The following DPP10 variants were observed in gnomAD, a reference collection of about 807,000 sequenced individuals.
The protein encoded by DPP10 is inactive dipeptidyl peptidase 10.
Under a neutral mutation model 120.9 loss-of-function variants are expected in DPP10, and 33 were observed. The observed-to-expected ratio is 0.27, with a 90% CI of 0.21 to 0.37. The LOEUF (loss-of-function observed/expected upper bound fraction) is 0.37. DPP10 is among the 10% of genes least tolerant of loss of function. DPP10 has a pLI of 1.00. For missense variants in DPP10, 816 were observed against 942.8 expected (o/e 0.87, Z 1.76); for synonymous variants, 337 against 326.1 (o/e 1.03, Z -0.36).
chr2:115,530,611 G>A (rs1644869417), intron 5 of DPP10, among the ~76,000 whole-genome samples: 1 of 151,936 alleles, frequency 6.6e-6, no homozygotes, highest in Admixed American at 6.6e-5. Context: ...AACCCAGGAG[G>A]CAGAGATTTT....
intron 19 of DPP10, among the ~76,000 whole-genome samples, chr2:115,798,558 G>C (rs1684804404): frequency 6.6e-6 from 1 of 152,056 alleles, no homozygotes; most frequent in Admixed American, 6.6e-5. Context: ...GTGTGTCTAT[G>C]ATGATGGGAG....
chr2:114,801,400 C>G (rs1297462364), intron 1 of DPP10, among the ~76,000 whole-genome samples: 1 of 152,096 alleles, frequency 6.6e-6, no homozygotes, highest in Admixed American at 6.6e-5. Flanking sequence ...CATCCGGACC[C>G]CAACTCCCCT....
At chr2:115,144,864 G>A (rs955241982) in intron 1 of DPP10, 3 of 151,980 alleles carry the variant, frequency 2.0e-5, no homozygotes, top group African/African-American at 7.2e-5. Context: ...CTCACCCAGT[G>A]CAGCTCCCTT....
At chr2:115,723,622 G>GTTTTTTTTTT (rs11399436) in intron 7 of DPP10, among the ~76,000 whole-genome samples, 1 of 142,950 alleles carries the variant, frequency 7.0e-6, no homozygotes, top group African/African-American at 2.6e-5. Flanking sequence ...GTTGTTTTTT[G>GTTTTTTTTTT]TTTTTTTTTT....
chr2:114,844,615 G>A (rs895038792), intron 1 of DPP10, among the ~76,000 whole-genome samples: 1 of 151,832 alleles, frequency 6.6e-6, no homozygotes. Context: ...CTTCCTTTTA[G>A]AGCATCTAGG....
chr2:115,759,337 T>A (rs1679809998), intron 11 of DPP10, among the ~76,000 whole-genome samples: 1 of 151,684 alleles, frequency 6.6e-6, no homozygotes. Flanking sequence ...CATGAGAGGA[T>A]CTTTTGAGCC....
chr2:115,051,826 A>G (rs538315919), intron 1 of DPP10, among the ~76,000 whole-genome samples: 4 of 38,234 alleles, frequency 1.0e-4, no homozygotes, highest in Non-Finnish European at 1.8e-4. Context: ...TAGATCTCAA[A>G]TGTTCTCATA....
intron 7 of DPP10, among the ~76,000 whole-genome samples, chr2:115,722,277 CT>C (rs2092667538): frequency 6.6e-6 from 1 of 151,604 alleles, no homozygotes; most frequent in South Asian, 2.1e-4. Flanking sequence ...TTTTTTAACT[CT>C]TTGCAATATT....
At chr2:115,231,717 C>T (rs1185877015) in intron 1 of DPP10, among the ~76,000 whole-genome samples, 1 of 152,152 alleles carries the variant, frequency 6.6e-6, no homozygotes, top group South Asian at 2.1e-4. Flanking sequence ...GTATTTTAAT[C>T]AAGAAGTAGC....
intron 1 of DPP10, among the ~76,000 whole-genome samples, chr2:114,979,442 GTC>G (rs1337529990): frequency 1.3e-5 from 2 of 151,784 alleles, no homozygotes; most frequent in East Asian, 1.9e-4. Context: ...TATTGTTTGA[GTC>G]TATTGTTTGG....
chr2:115,158,773 T>C (rs2052089045), intron 1 of DPP10, among the ~76,000 whole-genome samples: 1 of 152,194 alleles, frequency 6.6e-6, no homozygotes, highest in South Asian at 2.1e-4. Context: ...TGAAAAAGTA[T>C]TCAAAATACT....
intron 1 of DPP10, among the ~76,000 whole-genome samples, chr2:114,524,891 C>T (rs867467622): frequency 1.3e-5 from 2 of 152,148 alleles, no homozygotes; most frequent in Non-Finnish European, 2.9e-5. Context: ...CATTGAATCC[C>T]ATTCCTTCTT....
At chr2:114,811,655 C>T (rs1685182350) in intron 1 of DPP10, among the ~76,000 whole-genome samples, 1 of 152,002 alleles carries the variant, frequency 6.6e-6, no homozygotes, top group African/African-American at 2.4e-5. Context: ...CCATTATCAC[C>T]CCTCACCCCA....
intron 1 of DPP10, among the ~76,000 whole-genome samples, chr2:115,221,845 G>A (rs1158843071): frequency 2.7e-5 from 4 of 147,630 alleles, no homozygotes; most frequent in Non-Finnish European, 5.9e-5. Context: ...AACCCCACAT[G>A]GACAGCTGAT....
chr2:114,900,771 T>A (rs1693494578), intron 1 of DPP10, among the ~76,000 whole-genome samples: 1 of 152,210 alleles, frequency 6.6e-6, no homozygotes, highest in African/African-American at 2.4e-5. Flanking sequence ...ATTTTTCAAA[T>A]GTGAAGGTTA....
intron 1 of DPP10, among the ~76,000 whole-genome samples, chr2:114,494,832 G>C (rs1034171570): frequency 1.3e-5 from 2 of 152,076 alleles, no homozygotes; most frequent in African/African-American, 4.8e-5. Flanking sequence ...ACTCCAAAAG[G>C]TTTGGTATTA....
chr2:114,449,637 G>A (rs758593713), intron 1 of DPP10, among the ~76,000 whole-genome samples: 6 of 151,876 alleles, frequency 4.0e-5, no homozygotes, highest in African/African-American at 7.3e-5. Context: ...GTGGTCTTGC[G>A]GAAGGCAATT....
intron 1 of DPP10, among the ~76,000 whole-genome samples, chr2:114,715,722 C>G (rs1402466394): frequency 1.3e-5 from 2 of 151,950 alleles, no homozygotes; most frequent in Non-Finnish European, 2.9e-5. Context: ...AAGCTGGGTA[C>G]ACAGTCACAC....
intron 3 of DPP10, among the ~76,000 whole-genome samples, chr2:115,358,890 T>C (rs1302234528): frequency 2.0e-5 from 3 of 152,028 alleles, no homozygotes; most frequent in Non-Finnish European, 4.4e-5. Flanking sequence ...TCAAATCTCA[T>C]GAGAACTCAC....
Sources: gnomAD v4.1 joint callset for allele counts (sites outside exome capture counted in the v4.1 genomes callset) on GRCh38, gnomAD v4.1.1 for gene constraint, MANE v1.5 for transcripts, NCBI Gene and HGNC (gene_info 2026-07-23, HGNC 2026-07-21) for gene names.